HBP1: variants seen among roughly 807,000 people sequenced by gnomAD.
HBP1 encodes the protein HMG box-containing protein 1.
In HBP1, 20 loss-of-function variants were observed where a neutral mutation model predicts 62.6. That is an observed-to-expected ratio of 0.32 (90% CI 0.22 to 0.46). The LOEUF (loss-of-function observed/expected upper bound fraction) is 0.46. Ranked by LOEUF, HBP1 falls within the 20% of genes least tolerant of loss-of-function variation. The pLI, the probability that HBP1 is intolerant of heterozygous loss-of-function variation, is 1.00. For missense variants in HBP1, 480 were observed against 611.8 expected, an observed-to-expected ratio of 0.78 and a Z score of 2.27; for synonymous variants, 232 against 206.2, an observed-to-expected ratio of 1.12 and a Z score of -1.07.
chr7:107,169,214 TGGGGGTGGGGAAGGGA>T, intron 1 of HBP1, 29 bp downstream of exon 1: 2 of 23,990 alleles, frequency 8.3e-5, no homozygotes, highest in Non-Finnish European at 5.3e-5. Flanking sequence ...AGGGAAGAGG[TGGGGGTGGGGAAGGGA>T]GGGGCAGGAG....
chr7:107,189,467 TTGTAG>T lies in HBP1; in HGVS notation c.922+21_922+25del. On this transcript the variant is annotated intron_variant, in intron 7 of 10. Coordinates refer to ENST00000222574, the MANE Select transcript of HBP1 (RefSeq NM_012257.4). Reference sequence around the variant, plus strand: ...AATAAAGGTAGGGCTTGAATTGCATTTGTAGTAACTTTTTTTAAACAAAGCTTCTT... The same window carrying T: ...AATAAAGGTAGGGCTTGAATTGCATTTAACTTTTTTTAAACAAAGCTTCTT... 6.4e-7 allele frequency: 1 copy of T among 1,563,940 alleles called. No individual in the cohort carries two copies. Among genetic ancestry groups the T allele is most frequent in the South Asian group, 1.2e-5 (1 of 85,238 alleles).
chr7:107,196,427 C>T lies in HBP1; in HGVS notation c.1385+276C>T, dbSNP rs1246472839. On this transcript the variant is annotated intron_variant, in intron 9 of 10. Coordinates refer to ENST00000222574, the MANE Select transcript of HBP1 (RefSeq NM_012257.4). ...GAGACTACAGGCGCCCACCACCATA[C>T]CTGGCTAATTTTTTGTATTTTTAGT... is the stretch of plus-strand genomic sequence containing the variant. 1.0e-5 allele frequency: 4 copies of T among 389,148 alleles called. No homozygotes were observed. In the East Asian group the frequency reaches 2.5e-4, roughly 24 times the overall value. 24.1% of individuals were successfully genotyped at this position (389,148 alleles called of 1,614,324 possible). A position where few individuals can be genotyped will look rare whatever the true frequency, so the allele number is the denominator to read the frequency against.
At chr7:107,174,903 G>A (rs1796760066) in intron 1 of HBP1, among the ~76,000 whole-genome samples, 1 of 152,070 alleles carries the variant, frequency 6.6e-6, no homozygotes. Context: ...TCTATGGAAA[G>A]AGTTAAAATC....
chr7:107,201,310 T>C (rs1192192375), intron 10 of HBP1, 104 bp from the exon 11 acceptor site: 1 of 648,028 alleles, frequency 1.5e-6, no homozygotes, highest in East Asian at 3.0e-5. Flanking sequence ...AGCAGTATTT[T>C]CTAATAGTAA....
chr7:107,198,197 T>G (rs1227141281), intron 9 of HBP1, among the ~76,000 whole-genome samples: 2 of 152,120 alleles, frequency 1.3e-5, no homozygotes, highest in Non-Finnish European at 2.9e-5. Flanking sequence ...GTTATACCCT[T>G]TATTGCTCAA....
chr7:107,186,308 A>T, intron 4 of HBP1, 53 bp from the exon 5 acceptor site: 1 of 1,066,008 alleles, frequency 9.4e-7, no homozygotes, highest in Non-Finnish European at 1.4e-6. Context: ...AACAGATATT[A>T]AAAGGTATAT....
chr7:107,174,227 C>T (rs2115789674), intron 1 of HBP1, among the ~76,000 whole-genome samples: 1 of 152,326 alleles, frequency 6.6e-6, no homozygotes, highest in South Asian at 2.1e-4. Flanking sequence ...AAGAGTGAAA[C>T]TGAAGTCTGT....
At chr7:107,175,716 C>CT (rs1215594002) in intron 1 of HBP1, among the ~76,000 whole-genome samples, 1,863 of 136,474 alleles carry the variant, frequency 0.014, 33 homozygotes, top group African/African-American at 0.034. Context: ...TCCCTCTCTT[C>CT]TTTTTTTTTT....
At chr7:107,188,257 T>C (rs1420236826) in intron 6 of HBP1, among the ~76,000 whole-genome samples, 2 of 152,208 alleles carry the variant, frequency 1.3e-5, no homozygotes, top group African/African-American at 2.4e-5. Context: ...CTAAGCTTAG[T>C]GTGACCAAAA....
chr7:107,181,967 T>G (rs1403448615), intron 2 of HBP1, among the ~76,000 whole-genome samples: 1 of 152,138 alleles, frequency 6.6e-6, no homozygotes, highest in Non-Finnish European at 1.5e-5. Context: ...AAAGAAATAC[T>G]TTAACACAGA....
At chr7:107,179,142 A>C (rs1296013999) in intron 1 of HBP1, among the ~76,000 whole-genome samples, 1 of 152,258 alleles carries the variant, frequency 6.6e-6, no homozygotes, top group African/African-American at 2.4e-5. Flanking sequence ...GAATCTTTAA[A>C]AAAGGACAAA....
At chr7:107,186,752 G>C in intron 6 of HBP1, 71 bp downstream of exon 6, 2 of 850,432 alleles carry the variant, frequency 2.4e-6, no homozygotes, top group South Asian at 1.5e-5. Context: ...TTAATCTACA[G>C]AAATATCCTC....
chr7:107,188,074 T>C (rs566003500), intron 6 of HBP1, among the ~76,000 whole-genome samples: 68 of 152,298 alleles, frequency 4.5e-4, no homozygotes, highest in African/African-American at 1.6e-3. Context: ...CCTCTGAGTA[T>C]TGGCTTCCTG....
chr7:107,180,898 G>A (rs535135063), intron 2 of HBP1, among the ~76,000 whole-genome samples: 59 of 152,250 alleles, frequency 3.9e-4, no homozygotes, highest in Middle Eastern at 6.8e-3. Context: ...GGTTTAAGGA[G>A]GAACTCAGAA....
At chr7:107,170,677 A>G (rs1381627886) in intron 1 of HBP1, among the ~76,000 whole-genome samples, 1 of 152,078 alleles carries the variant, frequency 6.6e-6, no homozygotes, top group African/African-American at 2.4e-5. Context: ...TATAGAATGA[A>G]GTTTTGATTT....
chr7:107,173,994 A>C (rs1025348411), intron 1 of HBP1, among the ~76,000 whole-genome samples: 3 of 152,244 alleles, frequency 2.0e-5, no homozygotes, highest in Non-Finnish European at 2.9e-5. Context: ...GGAGTAAGAA[A>C]TGTAAGGGCT....
In HBP1 at chr7:107,182,276, T is replaced by G. The variant is rs1029504191; in HGVS notation, c.170-97T>G. 10 of 657,854 alleles carry G rather than the reference T, an allele frequency of 1.5e-5. No homozygotes were observed. The African/African-American group carries it at 1.8e-4, about 12-fold the overall frequency. 40.8% of individuals were successfully genotyped at this position (657,854 alleles called of 1,614,324 possible). On this transcript the variant is annotated intron_variant, in intron 2 of 10. Coordinates refer to ENST00000222574, the MANE Select transcript of HBP1 (RefSeq NM_012257.4). ...ATGATTTTCCTCTCTCAAAATTAAT[T>G]AGCTAAAATTGAGGACTTCTCTTTT...
At chr7:107,181,637 T>C (rs1254712326) in intron 2 of HBP1, among the ~76,000 whole-genome samples, 3 of 151,814 alleles carry the variant, frequency 2.0e-5, no homozygotes, top group Non-Finnish European at 4.4e-5. Flanking sequence ...GTGGAGTTTG[T>C]AGGTATGTGT....
At chr7:107,174,592 A>G (rs1796746920) in intron 1 of HBP1, 5 of 985,518 alleles carry the variant, frequency 5.1e-6, no homozygotes, top group Non-Finnish European at 6.0e-6. Flanking sequence ...GCTGGAAAGA[A>G]TGAGGAAACC....
Sources: gnomAD v4.1 joint callset for allele counts (sites outside exome capture counted in the v4.1 genomes callset) on GRCh38, gnomAD v4.1.1 for gene constraint, MANE v1.5 for transcripts, NCBI Gene and HGNC (gene_info 2026-07-23, HGNC 2026-07-21) for gene names.